Variants in SNX30 observed in about 807,000 individuals in gnomAD.
SNX30 encodes the protein sorting nexin-30.
A neutral mutation model predicts 46.4 loss-of-function variants in SNX30; 24 were observed. The ratio of observed to expected loss-of-function variants is 0.52; its 90% CI spans 0.37 to 0.73. The LOEUF is 0.73. Among genes scored for constraint, SNX30 ranks in the 30% least tolerant of loss-of-function variants. The probability of loss-of-function intolerance (pLI) is 0.00; values close to 1 mark genes in which losing one functional copy is unlikely to be tolerated. For synonymous variants in SNX30, 189 were observed against 211.5 expected, an observed-to-expected ratio of 0.89 and a Z score of 0.92; for missense variants, 533 against 555.7, an observed-to-expected ratio of 0.96 and a Z score of 0.41.
intron 3 of SNX30, among the ~76,000 whole-genome samples, chr9:112,827,364 A>T (rs1456792932): frequency 6.6e-6 from 1 of 152,210 alleles, no homozygotes; most frequent in African/African-American, 2.4e-5. Flanking sequence ...AAATGTATAG[A>T]ACTTGACGGT....
intron 1 of SNX30, among the ~76,000 whole-genome samples, chr9:112,776,652 A>G (rs1422513928): frequency 6.6e-6 from 1 of 152,208 alleles, no homozygotes; most frequent in Non-Finnish European, 1.5e-5. Context: ...AAACATGTAC[A>G]TGTATGTATA....
intron 5 of SNX30, among the ~76,000 whole-genome samples, chr9:112,837,244 C>T (rs1423425023): frequency 6.6e-6 from 1 of 151,736 alleles, no homozygotes; most frequent in Non-Finnish European, 1.5e-5. Flanking sequence ...CTTGTTCCCT[C>T]TACTTGACCC....
intron 2 of SNX30, among the ~76,000 whole-genome samples, chr9:112,817,270 C>G (rs1409890214): frequency 6.6e-6 from 1 of 151,534 alleles, no homozygotes; most frequent in African/African-American, 2.4e-5. Flanking sequence ...TAGCAATATC[C>G]TAAGTGGATT....
intron 6 of SNX30, among the ~76,000 whole-genome samples, chr9:112,843,112 T>C (rs1402299415): frequency 6.6e-6 from 1 of 152,170 alleles, no homozygotes; most frequent in Non-Finnish European, 1.5e-5. Flanking sequence ...ATTAGCATTG[T>C]CATGACTAGG....
At chr9:112,826,177 G>A (rs1840576891) in intron 3 of SNX30, among the ~76,000 whole-genome samples, 1 of 152,166 alleles carries the variant, frequency 6.6e-6, no homozygotes, top group Non-Finnish European at 1.5e-5. Flanking sequence ...GACTCATGAA[G>A]TAAGAACAGG....
chr9:112,779,931 T>C (rs1839820559), intron 1 of SNX30, among the ~76,000 whole-genome samples: 1 of 152,190 alleles, frequency 6.6e-6, no homozygotes, highest in African/African-American at 2.4e-5. Flanking sequence ...AACGACAGGC[T>C]GTCACTGTAC....
intron 1 of SNX30, among the ~76,000 whole-genome samples, chr9:112,796,301 C>T (rs1399167414): frequency 2.0e-5 from 3 of 152,218 alleles, no homozygotes; most frequent in Non-Finnish European, 1.5e-5. Context: ...CCTGTGATGC[C>T]TAGCATGGCA....
rs1841466625 is a variant in SNX30 at position 112,872,755 on chromosome 9, C to T, written c.*3912C>T. Reference sequence around the variant, plus strand: ...AAACTTAGGTTGGGAGCTTGGGTTTCCTGTCTCACTTCCAAAAGCCTTCAA... The same window carrying T: ...AAACTTAGGTTGGGAGCTTGGGTTTTCTGTCTCACTTCCAAAAGCCTTCAA... On this transcript the variant is annotated 3_prime_UTR_variant, in exon 9 of 9. Transcript: ENST00000374232. The T allele has an allele frequency of 1.3e-5, 2 of 152,158 alleles. No homozygotes were observed. The highest frequency in any genetic ancestry group is 1.3e-4 in the Admixed American group (2 of 15,278). 9.4% of individuals were successfully genotyped at this position (152,158 alleles called of 1,614,324 possible). A position where few individuals can be genotyped will look rare whatever the true frequency, so the allele number is the denominator to read the frequency against.
intron 2 of SNX30, among the ~76,000 whole-genome samples, chr9:112,806,132 G>A (rs569933937): frequency 3.9e-5 from 6 of 152,146 alleles, no homozygotes; most frequent in Non-Finnish European, 7.3e-5. Context: ...TTTATCAGCA[G>A]CCCTGTCCTC....
At chr9:112,838,995 C>T (rs931053037) in intron 6 of SNX30, among the ~76,000 whole-genome samples, 5 of 152,056 alleles carry the variant, frequency 3.3e-5, no homozygotes, top group Non-Finnish European at 5.9e-5. Context: ...ATAATTAGAG[C>T]TCTTGGAAGT....
intron 4 of SNX30, among the ~76,000 whole-genome samples, chr9:112,832,842 A>C (rs1317333035): frequency 1.4e-5 from 2 of 146,838 alleles, no homozygotes; most frequent in Non-Finnish European, 3.0e-5. Flanking sequence ...AAATATATTA[A>C]TATATAATAT....
At chr9:112,862,252 C>T (rs1253838723) in intron 7 of SNX30, among the ~76,000 whole-genome samples, 4 of 152,198 alleles carry the variant, frequency 2.6e-5, no homozygotes, top group Admixed American at 1.3e-4. Flanking sequence ...CCCTGGCTGC[C>T]CTCCTCTCCA....
chr9:112,867,323 ATTCCTCCTCCCTC>A, intron 8 of SNX30, among the ~76,000 whole-genome samples: 1 of 145,714 alleles, frequency 6.9e-6, no homozygotes, highest in East Asian at 2.1e-4. Flanking sequence ...CCTCCTCAGA[ATTCCTCCTCCCTC>A]CTCAGAACTC....
At chr9:112,813,097 C>T (rs202104816) in intron 2 of SNX30, among the ~76,000 whole-genome samples, 22 of 151,880 alleles carry the variant, frequency 1.4e-4, no homozygotes, top group African/African-American at 5.3e-4. Context: ...TGCAGTGAGC[C>T]GAGATCATGC....
At chr9:112,796,561 C>T (rs1467929430) in intron 1 of SNX30, among the ~76,000 whole-genome samples, 1 of 152,208 alleles carries the variant, frequency 6.6e-6, no homozygotes, top group Non-Finnish European at 1.5e-5. Context: ...TGAGCTTGTC[C>T]ATCTGCCCTG....
rs538160109 is a variant in SNX30 at position 112,872,924 on chromosome 9, C to A, written c.*4081C>A. On this transcript the variant is annotated 3_prime_UTR_variant, in exon 9 of 9. Coordinates refer to ENST00000374232, the MANE Select transcript of SNX30 (RefSeq NM_001012994.2). Reference sequence around the variant, plus strand: ...TTGGGTGTGTTGGAATTGTTCTCTTCGGCCTTGTTCTGCCTTGTGATCTTT... The same window carrying A: ...TTGGGTGTGTTGGAATTGTTCTCTTAGGCCTTGTTCTGCCTTGTGATCTTT... The A allele has an allele frequency of 6.6e-6, 1 of 152,340 alleles. No homozygotes were observed. The highest frequency in any genetic ancestry group is 1.9e-4 in the East Asian group (1 of 5,182). The allele number at this position is 152,340 out of a possible 1,614,324, so 9.4% of individuals were successfully genotyped here. A position where few individuals can be genotyped will look rare whatever the true frequency, so the allele number is the denominator to read the frequency against.
At position 112,870,519 on chromosome 9, in the gene SNX30, A is replaced by G. The variant is rs377623117; in HGVS notation, c.*1676A>G. 5.9e-5 allele frequency: 9 copies of G among 152,354 alleles called. No homozygotes were observed. The highest frequency in any genetic ancestry group is 1.9e-4 in the East Asian group (1 of 5,186). 9.4% of individuals were successfully genotyped at this position (152,354 alleles called of 1,614,324 possible). The stretch of plus-strand genomic sequence containing the variant: ...AGTTTAAATGATAATGTTTAAATCA[A>G]TTGGTACTTGCCTGTAGTGTTAAAC... On this transcript the variant is annotated 3_prime_UTR_variant, in exon 9 of 9. Transcript: ENST00000374232.
intron 7 of SNX30, among the ~76,000 whole-genome samples, chr9:112,855,125 G>T (rs1841099861): frequency 6.6e-6 from 1 of 152,204 alleles, no homozygotes; most frequent in South Asian, 2.1e-4. Flanking sequence ...AGGAGGTTTG[G>T]TGGATGCTGA....
intron 7 of SNX30, among the ~76,000 whole-genome samples, chr9:112,861,776 T>C (rs1248608980): frequency 2.0e-5 from 3 of 152,194 alleles, no homozygotes; most frequent in Admixed American, 6.5e-5. Context: ...GTACCGCCAC[T>C]CTGGAGTGCC....
Sources: gnomAD v4.1 joint callset for allele counts (sites outside exome capture counted in the v4.1 genomes callset) on GRCh38, gnomAD v4.1.1 for gene constraint, MANE v1.5 for transcripts, NCBI Gene and HGNC (gene_info 2026-07-23, HGNC 2026-07-21) for gene names.